PRIMPOL: variants seen among roughly 807,000 people sequenced by gnomAD.
PRIMPOL encodes primase and DNA directed polymerase.
In PRIMPOL, 54 loss-of-function variants were observed where a neutral mutation model predicts 63.6. The observed-to-expected ratio is 0.85, with a 90% CI of 0.68 to 1.07. The LOEUF is 1.07. Ranked by LOEUF, PRIMPOL falls within the 50% of genes least tolerant of loss-of-function variation. The probability of loss-of-function intolerance (pLI) is 0.00; values close to 1 mark genes in which losing one functional copy is unlikely to be tolerated. For synonymous variants in PRIMPOL, 197 were observed against 220.2 expected, an observed-to-expected ratio of 0.89 and a Z score of 0.93; for missense variants, 610 against 648.3, an observed-to-expected ratio of 0.94 and a Z score of 0.64.
At chr4:184,656,398 A>G (rs1178768322) in intron 2 of PRIMPOL, among the ~76,000 whole-genome samples, 1 of 149,668 alleles carries the variant, frequency 6.7e-6, no homozygotes, top group African/African-American at 2.6e-5. Flanking sequence ...CCACTCTTCT[A>G]AAAACCTATT....
chr4:184,673,044 C>A (rs1417641826), intron 7 of PRIMPOL, among the ~76,000 whole-genome samples: 1 of 152,094 alleles, frequency 6.6e-6, no homozygotes, highest in African/African-American at 2.4e-5. Flanking sequence ...CCTAACACAA[C>A]AGCTCCCATT....
In PRIMPOL at chr4:184,678,385, G is replaced by A. The variant is rs758211049; in HGVS notation, c.998G>A (p.Ser333Asn). The A allele has an allele frequency of 6.2e-7, 1 of 1,601,638 alleles. No individual in the cohort carries two copies. The highest frequency in any genetic ancestry group is 8.5e-7 in the Non-Finnish European group (1 of 1,175,714). Residue 333 changes from serine (S) to asparagine (N), a missense_variant, in exon 8 of 14, where the codon AGC (serine) becomes AAC (asparagine). By Grantham distance (46) the Ser-to-Asn change is conservative (BLOSUM62 1). Coordinates refer to ENST00000314970, the MANE Select transcript of PRIMPOL (RefSeq NM_152683.4). Reference protein sequence around the residue: ...EYQYFLSSLVSNVRFSDTLRI... With the variant: ...EYQYFLSSLVNNVRFSDTLRI... ...CAATATTTTCTCTCTTCTTTGGTCA[G>A]CAATGTCAGGTATGTAGTAGCAGCA...
intron 2 of PRIMPOL, among the ~76,000 whole-genome samples, chr4:184,654,468 T>TTTTTTTTTTTTTTTTA: frequency 6.6e-6 from 1 of 150,610 alleles, no homozygotes; most frequent in East Asian, 1.9e-4. Flanking sequence ...TTTTTTTTTT[T>TTTTTTTTTTTTTTTTA]GAGACAGAGT....
At chr4:184,662,939 C>A (rs961770468) in intron 5 of PRIMPOL, among the ~76,000 whole-genome samples, 1 of 150,406 alleles carries the variant, frequency 6.6e-6, no homozygotes, top group Non-Finnish European at 1.5e-5. Context: ...TATTTTTCTT[C>A]AAATAGCCAT....
chr4:184,652,743 T>C (rs1209347721), intron 2 of PRIMPOL, among the ~76,000 whole-genome samples: 1 of 152,070 alleles, frequency 6.6e-6, no homozygotes, highest in African/African-American at 2.4e-5. Context: ...TACCAAATCA[T>C]AGAACTAGAG....
At position 184,657,209 on chromosome 4, in the gene PRIMPOL, G is replaced by A. The variant is rs111852106; in HGVS notation, c.69G>A (p.Pro23=). ...GAGCATCTCATTATGAGAGGAAACC[G>A]TTGTCCTCAGTGTATAGACCAAGAT... is the stretch of plus-strand genomic sequence containing the variant. ...EERASHYERK[P]LSSVYRPRLS... is the part of the protein sequence containing the mutation. Residue 23 remains proline (P), a synonymous_variant, in exon 3 of 14, where the codon CCG becomes CCA. Coordinates refer to ENST00000314970, the MANE Select transcript of PRIMPOL (RefSeq NM_152683.4). The A allele has an allele frequency of 4.6e-4, 741 of 1,613,254 alleles. 3 individuals carry two copies. The African/African-American group carries it at 8.5e-3, about 18-fold the overall frequency.
chr4:184,682,162 T>C, intron 8 of PRIMPOL, 86 bp from the exon 9 acceptor site: 4 of 646,308 alleles, frequency 6.2e-6, no homozygotes, highest in Non-Finnish European at 1.1e-5. Context: ...TGAGGAACTA[T>C]TAGGAATTCA....
intron 11 of PRIMPOL, among the ~76,000 whole-genome samples, chr4:184,686,768 T>C (rs1757075048): frequency 6.6e-6 from 1 of 152,028 alleles, no homozygotes; most frequent in Non-Finnish European, 1.5e-5. Context: ...GGAAACACAT[T>C]GGGTAGCATG....
chr4:184,678,490 C>T, intron 8 of PRIMPOL, 96 bp downstream of exon 8: 1 of 703,992 alleles, frequency 1.4e-6, no homozygotes, highest in Non-Finnish European at 2.3e-6. Flanking sequence ...CATCTAAATT[C>T]ATTCTACCTT....
intron 11 of PRIMPOL, 53 bp from the exon 12 acceptor site, chr4:184,691,446 G>A: frequency 9.2e-7 from 1 of 1,082,632 alleles, no homozygotes; most frequent in South Asian, 1.4e-5. Context: ...GCTGGATTTT[G>A]TTTTCTACCC....
chr4:184,683,422 C>CAAAAAAAA (rs56794700), intron 9 of PRIMPOL, among the ~76,000 whole-genome samples: 1 of 122,808 alleles, frequency 8.1e-6, no homozygotes. Context: ...GACTCCATCT[C>CAAAAAAAA]AAAAAAAAAA....
At chr4:184,668,310 A>G (rs1750635776) in intron 6 of PRIMPOL, among the ~76,000 whole-genome samples, 1 of 152,242 alleles carries the variant, frequency 6.6e-6, no homozygotes, top group Non-Finnish European at 1.5e-5. Flanking sequence ...CCAAGTAGAC[A>G]CGTTGGTATC....
chr4:184,694,181 A>G (rs888471419), intron 13 of PRIMPOL: 18 of 1,029,516 alleles, frequency 1.7e-5, no homozygotes, highest in Admixed American at 5.0e-5. Flanking sequence ...TTGTCAAGAT[A>G]GCAAATTTAT....
At chr4:184,666,575 A>G (rs532009790) in intron 6 of PRIMPOL, among the ~76,000 whole-genome samples, 2 of 152,338 alleles carry the variant, frequency 1.3e-5, no homozygotes, top group Non-Finnish European at 2.9e-5. Context: ...TGGCATTTGC[A>G]TCTCTAATCC....
At chr4:184,653,873 G>A (rs1445662633) in intron 2 of PRIMPOL, among the ~76,000 whole-genome samples, 1 of 152,232 alleles carries the variant, frequency 6.6e-6, no homozygotes, top group African/African-American at 2.4e-5. Context: ...AATGCCAGAT[G>A]CCTTACTGTT....
chr4:184,691,341 C>T, intron 11 of PRIMPOL, 158 bp from the exon 12 acceptor site: 1 of 528,712 alleles, frequency 1.9e-6, no homozygotes, highest in Non-Finnish European at 3.3e-6. Context: ...TTTTGGCAAC[C>T]ACCGTTTTGA....
Position 184,659,448 on chromosome 4 carries a change from T to C in PRIMPOL, c.278+11T>C, listed in dbSNP as rs1747637368. On this transcript the variant is annotated intron_variant, in intron 4 of 13. Coordinates refer to ENST00000314970, the MANE Select transcript of PRIMPOL (RefSeq NM_152683.4). ...TTACTATAAATCCAGGTAGGTAGCA[T>C]GCAGCAGAACCACACATTAAGCTAG... 2 of 1,561,020 alleles carry C rather than the reference T, an allele frequency of 1.3e-6. No homozygotes were observed. The highest frequency in any genetic ancestry group is 1.8e-6 in the Non-Finnish European group (2 of 1,131,858).
At chr4:184,658,335 C>T (rs1356731613) in intron 3 of PRIMPOL, among the ~76,000 whole-genome samples, 2 of 152,166 alleles carry the variant, frequency 1.3e-5, no homozygotes, top group African/African-American at 4.8e-5. Flanking sequence ...CTGACAGATT[C>T]ATTTGAACTT....
intron 11 of PRIMPOL, 23 bp from the exon 12 acceptor site, chr4:184,691,473 CTTT>C (rs35926668): frequency 2.3e-3 from 2,748 of 1,198,454 alleles, no homozygotes; most frequent in Non-Finnish European, 2.8e-3. Context: ...GGTATTAATA[CTTT>C]TTTTTTTTTT....
Sources: allele counts gnomAD v4.1 joint callset (sites outside exome capture counted in the v4.1 genomes callset), GRCh38; gene constraint gnomAD v4.1.1; transcripts MANE v1.5; gene names NCBI Gene and HGNC (gene_info 2026-07-23, HGNC 2026-07-21).